Variants in TMPRSS15 observed in about 807,000 individuals in gnomAD.
TMPRSS15 encodes transmembrane serine protease 15.
A neutral mutation model predicts 125.3 loss-of-function variants in TMPRSS15; 128 were observed. That is an observed-to-expected ratio of 1.02 (90% confidence interval 0.89 to 1.18). TMPRSS15 has a LOEUF of 1.18. Among genes scored for constraint, TMPRSS15 ranks in the 50% most tolerant of loss-of-function variants. The pLI is 0.00. For synonymous variants in TMPRSS15, 446 were observed against 423.2 expected (o/e 1.05, Z -0.66); for missense variants, 1,283 against 1,212.7 (o/e 1.06, Z -0.86).
chr21:18,363,666 C>T (rs1296048772), intron 7 of TMPRSS15, among the ~76,000 whole-genome samples: 1 of 151,866 alleles, frequency 6.6e-6, no homozygotes, highest in African/African-American at 2.4e-5. Context: ...TCCTAATGAC[C>T]AATGCTAATA....
intron 1 of TMPRSS15, among the ~76,000 whole-genome samples, chr21:18,450,134 A>G (rs911450352): frequency 2.9e-4 from 44 of 152,178 alleles, no homozygotes; most frequent in African/African-American, 8.7e-4. Context: ...CATTCAATGT[A>G]CATTTTTGCA....
chr21:18,437,038 C>G (rs1189537422), intron 1 of TMPRSS15, among the ~76,000 whole-genome samples: 1 of 147,118 alleles, frequency 6.8e-6, no homozygotes, highest in African/African-American at 2.5e-5. Flanking sequence ...GCCAAAAGAA[C>G]AAAGCTGAAG....
At chr21:18,360,621 T>A (rs1241073251) in intron 7 of TMPRSS15, among the ~76,000 whole-genome samples, 2 of 152,130 alleles carry the variant, frequency 1.3e-5, no homozygotes, top group Admixed American at 6.6e-5. Context: ...GGCTTTATAG[T>A]GGGCTTTCTA....
chr21:18,447,089 A>T (rs1430497876), intron 1 of TMPRSS15, among the ~76,000 whole-genome samples: 4 of 152,148 alleles, frequency 2.6e-5, no homozygotes, highest in African/African-American at 9.7e-5. Flanking sequence ...ATAATAGCAA[A>T]ATAACAAATA....
At chr21:18,460,946 A>G (rs1238753057) in intron 1 of TMPRSS15, among the ~76,000 whole-genome samples, 1 of 152,120 alleles carries the variant, frequency 6.6e-6, no homozygotes, top group East Asian at 1.9e-4. Flanking sequence ...TTAATTATAT[A>G]CTATTTTTAT....
intron 7 of TMPRSS15, among the ~76,000 whole-genome samples, chr21:18,362,667 A>G (rs931880548): frequency 2.0e-5 from 3 of 152,188 alleles, no homozygotes; most frequent in Admixed American, 1.3e-4. Context: ...TTTAATTTAT[A>G]CACTTTGTAT....
At chr21:18,300,281 T>G in intron 18 of TMPRSS15, among the ~76,000 whole-genome samples, 1 of 147,186 alleles carries the variant, frequency 6.8e-6, no homozygotes, top group South Asian at 2.2e-4. Context: ...CTCTTCTTTC[T>G]CTCTCTCTTT....
intron 24 of TMPRSS15, 29 bp from the exon 25 acceptor site, chr21:18,270,153 T>G: frequency 6.2e-7 from 1 of 1,601,458 alleles, no homozygotes; most frequent in Non-Finnish European, 8.6e-7. Flanking sequence ...AACAAAATTG[T>G]AGATATGTGG....
chr21:18,419,189 C>T (rs904574549), intron 1 of TMPRSS15, among the ~76,000 whole-genome samples: 8 of 148,690 alleles, frequency 5.4e-5, no homozygotes, highest in African/African-American at 1.5e-4. Flanking sequence ...TGCCAGTGAA[C>T]TTTCTTGATA....
intron 16 of TMPRSS15, among the ~76,000 whole-genome samples, chr21:18,315,489 A>C (rs60764030): frequency 0.22 from 12,688 of 57,226 alleles, 2,253 homozygotes; most frequent in South Asian, 0.32. Context: ...CTTAAAGTAT[A>C]ATAAAATATA....
intron 1 of TMPRSS15, among the ~76,000 whole-genome samples, chr21:18,481,503 C>T (rs112311513): frequency 2.2e-4 from 34 of 151,766 alleles, no homozygotes; most frequent in African/African-American, 8.2e-4. Flanking sequence ...TTTGCTGATG[C>T]ATGCTTGATG....
intron 8 of TMPRSS15, 141 bp downstream of exon 8, chr21:18,359,616 A>AT: frequency 2.0e-6 from 1 of 510,838 alleles, no homozygotes. Context: ...AATTTTTATA[A>AT]TGAGAAGCAA....
chr21:18,326,462 A>G lies in TMPRSS15; in HGVS notation c.1891T>C (p.Phe631Leu), dbSNP rs776018412. The change falls in exon 16 of 25, where the codon TTT becomes CTT. Residue 631 changes from phenylalanine (F) to leucine (L), a missense_variant. Physicochemically the swap from Phe to Leu is conservative, Grantham distance 22. Coordinates refer to ENST00000284885, the MANE Select transcript of TMPRSS15 (RefSeq NM_002772.3). ...ATCCCCAAGTGATAGCCAGTAGTAA[A>G]GTTTGCTTTAAACCCTCCTCTTGCC... ...VLARGGFKAN[F>L]TTGYHLGIPE... 1 of 1,614,164 alleles carries G rather than the reference A, an allele frequency of 6.2e-7. No homozygotes were observed. The highest frequency in any genetic ancestry group is 1.1e-5 in the South Asian group (1 of 91,088).
chr21:18,472,144 A>G (rs747642873), intron 1 of TMPRSS15, among the ~76,000 whole-genome samples: 1 of 152,146 alleles, frequency 6.6e-6, no homozygotes. Context: ...TATAAACATT[A>G]AGAAATAATT....
intron 14 of TMPRSS15, among the ~76,000 whole-genome samples, chr21:18,330,048 T>C (rs1303788285): frequency 6.6e-6 from 1 of 152,184 alleles, no homozygotes; most frequent in East Asian, 1.9e-4. Context: ...GAATTATCTC[T>C]TTTGCAAACT....
rs185904962 is a variant in TMPRSS15 at position 18,274,060 on chromosome 21, T to G, written c.2904+1137A>C. On this transcript the variant is annotated intron_variant, in intron 24 of 24. Coordinates refer to ENST00000284885, the MANE Select transcript of TMPRSS15 (RefSeq NM_002772.3). ...TGACATAAACTGCTATTTCTTCATTTAGTAATTATTCGTTTGGTCAGTAAT... is the reference window on the plus strand; with the variant it reads ...TGACATAAACTGCTATTTCTTCATTGAGTAATTATTCGTTTGGTCAGTAAT... Among the ~76,000 whole-genome samples, 13 of 152,350 alleles carry G rather than the reference T, an allele frequency of 8.5e-5. No homozygotes were observed. In the East Asian group the frequency reaches 2.5e-3, roughly 29 times the overall value.
At chr21:18,429,960 G>A (rs1334701183) in intron 1 of TMPRSS15, among the ~76,000 whole-genome samples, 6 of 152,156 alleles carry the variant, frequency 3.9e-5, no homozygotes. Context: ...TTTAAATATA[G>A]TTTTAATTCA....
chr21:18,415,023 A>G (rs1322452000), intron 1 of TMPRSS15, among the ~76,000 whole-genome samples: 1 of 151,576 alleles, frequency 6.6e-6, no homozygotes, highest in Non-Finnish European at 1.5e-5. Context: ...GCTAGCCCTT[A>G]TCTGTTTTTT....
In TMPRSS15 at chr21:18,294,370, A is replaced by G. The variant is rs1400722891; in HGVS notation, c.2386T>C (p.Trp796Arg). Residue 796 changes from tryptophan to arginine, a missense_variant, in exon 21 of 25, where the codon TGG becomes CGG. Trp to Arg is a moderately radical substitution (Grantham distance 101, BLOSUM62 -3). Transcript: ENST00000284885. ...TAATACAGACCCACAACCCAGGGCC[A>G]GGCCCCTTCTTTGGCATTACTTCCT... ...VGGSNAKEGA[W>R]PWVVGLYYGG... 6.2e-7 allele frequency: 1 copy of G among 1,614,256 alleles called. No individual in the cohort carries two copies. The highest frequency in any genetic ancestry group is 1.3e-5 in the African/African-American group (1 of 75,070).
Sources: gnomAD v4.1 joint callset for allele counts (sites outside exome capture counted in the v4.1 genomes callset) on GRCh38, gnomAD v4.1.1 for gene constraint, MANE v1.5 for transcripts, NCBI Gene and HGNC (gene_info 2026-07-23, HGNC 2026-07-21) for gene names.